The following SLC3A2 variants were observed in gnomAD, a reference collection of about 807,000 sequenced individuals.
SLC3A2 encodes the protein amino acid transporter heavy chain SLC3A2.
A neutral mutation model predicts 48.5 loss-of-function variants in SLC3A2; 32 were observed. The observed-to-expected ratio is 0.66, with a 90% confidence interval of 0.50 to 0.89. The LOEUF (loss-of-function observed/expected upper bound fraction) is 0.89. Among genes scored for constraint, SLC3A2 ranks in the 40% least tolerant of loss-of-function variants. The pLI is 0.00. For missense variants in SLC3A2, 587 were observed against 680.7 expected (o/e 0.86, Z 1.53); for synonymous variants, 277 against 288.8 (o/e 0.96, Z 0.41).
At chr11:62,884,577 T>C (rs1002578741) in intron 4 of SLC3A2, 52 bp downstream of exon 4, 2 of 1,613,518 alleles carry the variant, frequency 1.2e-6, no homozygotes, top group Non-Finnish European at 1.7e-6. Flanking sequence ...ACAGAGGGAC[T>C]CAGCTAGAGC....
chr11:62,861,065 CTCTT>C (rs2134972275), intron 1 of SLC3A2, among the ~76,000 whole-genome samples: 1 of 152,168 alleles, frequency 6.6e-6, no homozygotes, highest in African/African-American at 2.4e-5. Context: ...AGTGTGATCT[CTCTT>C]TCTTTCCCCC....
chr11:62,872,109 G>A (rs950811589), intron 1 of SLC3A2, among the ~76,000 whole-genome samples: 2 of 152,080 alleles, frequency 1.3e-5, no homozygotes, highest in African/African-American at 2.4e-5. Flanking sequence ...TAGAGACGGG[G>A]TTTCACCATG....
At position 62,884,499 on chromosome 11, in the gene SLC3A2, C is replaced by T. The variant is rs761488933; in HGVS notation, c.733C>T (p.Gln245Ter). Residue 245 changes from glutamine (Q) to a stop codon, truncating the protein, a stop_gained, in exon 4 of 9, where the codon CAG (glutamine) becomes TAG (stop). Coordinates refer to ENST00000338663, the MANE Select transcript of SLC3A2 (RefSeq NM_001013251.3). LOFTEE classifies it high-confidence loss of function. Reference protein sequence around the residue: ...FWLQAGVDGFQVRDIENLKDA... With the variant: ...FWLQAGVDGF Reference sequence around the variant, plus strand: ...GCTGCAAGCTGGCGTGGATGGGTTCCAGGTTCGGGACATAGAGAATCTGAA... The same window carrying T: ...GCTGCAAGCTGGCGTGGATGGGTTCTAGGTTCGGGACATAGAGAATCTGAA... The T allele has an allele frequency of 1.9e-6, 3 of 1,614,194 alleles. No individual in the cohort carries two copies. Among genetic ancestry groups the T allele is most frequent in the Admixed American group, 1.7e-5 (1 of 60,014 alleles).
intron 8 of SLC3A2, 42 bp from the exon 9 acceptor site, chr11:62,888,289 G>A (rs759152257): frequency 1.2e-6 from 2 of 1,609,426 alleles, no homozygotes; most frequent in African/African-American, 1.3e-5. Flanking sequence ...TGTACCCAGG[G>A]GAGCCCCTCA....
At chr11:62,862,008 A>T (rs2134973805) in intron 1 of SLC3A2, among the ~76,000 whole-genome samples, 2 of 150,498 alleles carry the variant, frequency 1.3e-5, no homozygotes, top group Middle Eastern at 3.5e-3. Context: ...GCCCAAATTG[A>T]TCAATACAGC....
upstream of SLC3A2, among the ~76,000 whole-genome samples, chr11:62,878,437 C>A (rs2135002235): frequency 6.6e-6 from 1 of 151,910 alleles, no homozygotes; most frequent in Admixed American, 6.6e-5. Flanking sequence ...TCTCATGGGA[C>A]TCCAGGGGCA....
chr11:62,866,692 G>T (rs1029803920), intron 1 of SLC3A2, among the ~76,000 whole-genome samples: 6 of 152,136 alleles, frequency 3.9e-5, no homozygotes, highest in South Asian at 2.1e-4. Flanking sequence ...ACCGCATCTG[G>T]CCCTGCTTTT....
chr11:62,864,286 A>G (rs1229497768), intron 1 of SLC3A2, among the ~76,000 whole-genome samples: 2 of 150,678 alleles, frequency 1.3e-5, no homozygotes, highest in Non-Finnish European at 3.0e-5. Context: ...TCCTAAGTAT[A>G]TCAATCCTGT....
intron 1 of SLC3A2, among the ~76,000 whole-genome samples, chr11:62,862,100 T>G (rs2085405508): frequency 6.6e-6 from 1 of 151,542 alleles, no homozygotes; most frequent in East Asian, 1.9e-4. Context: ...GCGGATTACC[T>G]GAGGTCAGGA....
At chr11:62,857,253 C>G (rs909614899) in intron 1 of SLC3A2, among the ~76,000 whole-genome samples, 1 of 152,216 alleles carries the variant, frequency 6.6e-6, no homozygotes, top group Admixed American at 6.5e-5. Context: ...TCCTGAGTAG[C>G]TGGGATTACA....
chr11:62,872,158 G>A (rs944285872), intron 1 of SLC3A2, among the ~76,000 whole-genome samples: 6 of 152,002 alleles, frequency 3.9e-5, no homozygotes, highest in Non-Finnish European at 7.4e-5. Context: ...CTTGTGATCC[G>A]TCTGCCTGGC....
Position 62,881,925 on chromosome 11 carries a change from C to T in SLC3A2, c.457C>T (p.Leu153=), listed in dbSNP as rs1291026390. Residue 153 remains leucine, a synonymous_variant, in exon 2 of 9, where the codon CTG becomes TTG. Coordinates refer to ENST00000338663, the MANE Select transcript of SLC3A2 (RefSeq NM_001013251.3). The surrounding 1 kb of genome is among the most constrained non-coding windows in gnomAD (Gnocchi z 4.0). ...GGGGCGTCTCGATTACCTGAGCTCTCTGAAGGTGAAGGGCCTTGTGCTGGG... is the reference window on the plus strand; with the variant it reads ...GGGGCGTCTCGATTACCTGAGCTCTTTGAAGGTGAAGGGCCTTGTGCTGGG... ...LKGRLDYLSS[L]KVKGLVLGPI... 6.2e-7 allele frequency: 1 copy of T among 1,614,156 alleles called. No homozygotes were observed. Among genetic ancestry groups the T allele is most frequent in the South Asian group, 1.1e-5 (1 of 91,082 alleles).
chr11:62,872,958 G>C (rs2085532503), intron 1 of SLC3A2, among the ~76,000 whole-genome samples: 1 of 152,118 alleles, frequency 6.6e-6, no homozygotes. Flanking sequence ...TTCTGTTACA[G>C]CATACCATAC....
At chr11:62,871,479 A>G (rs1025641590) in intron 1 of SLC3A2, 4 of 423,434 alleles carry the variant, frequency 9.4e-6, no homozygotes, top group Admixed American at 3.9e-5. Flanking sequence ...ATCTCAGGTT[A>G]TCCGCCCGTC....
Position 62,882,005 on chromosome 11 carries a change from C to T in SLC3A2, c.537C>T (p.Ile179=), listed in dbSNP as rs533509167. 2.6e-5 allele frequency: 42 copies of T among 1,614,168 alleles called. No homozygotes were observed. In the South Asian group the frequency reaches 3.8e-4, roughly 15 times the overall value. The change falls in exon 2 of 9, where the codon ATC becomes ATT. Residue 179 remains isoleucine, a synonymous_variant. Coordinates refer to ENST00000338663, the MANE Select transcript of SLC3A2 (RefSeq NM_001013251.3). ...DDVAQTDLLQ[I]DPNFGSKEDF... ...TCGCTCAGACTGACTTGCTGCAGAT[C>T]GACCCCAATTTTGGCTCCAAGGAAG... is the stretch of plus-strand genomic sequence containing the variant.
At chr11:62,864,701 C>T (rs529932672) in intron 1 of SLC3A2, among the ~76,000 whole-genome samples, 2 of 151,818 alleles carry the variant, frequency 1.3e-5, no homozygotes, top group South Asian at 2.1e-4. Flanking sequence ...CTCCTGACCT[C>T]GTGATCCGCC....
intron 1 of SLC3A2, among the ~76,000 whole-genome samples, chr11:62,856,849 G>A (rs186576017): frequency 1.3e-5 from 2 of 148,610 alleles, no homozygotes; most frequent in East Asian, 3.9e-4. Flanking sequence ...TTTTGAGACG[G>A]AGTTTCGCTC....
Position 62,885,575 on chromosome 11 carries a change from G to A in SLC3A2, c.1110G>A (p.Glu370=), listed in dbSNP as rs2085702520. ...CCCCTGTTTTCAGCTACGGGGATGA[G>A]ATTGGCCTGGATGCAGCTGCCCTTC... ...PGTPVFSYGD[E]IGLDAAALPG... is the part of the protein sequence containing the mutation. The change falls in exon 7 of 9, where the codon GAG becomes GAA. Residue 370 remains glutamate, a synonymous_variant. Coordinates refer to ENST00000338663, the MANE Select transcript of SLC3A2 (RefSeq NM_001013251.3). The A allele has an allele frequency of 6.2e-7, 1 of 1,614,188 alleles. No homozygotes were observed. The highest frequency in any genetic ancestry group is 8.5e-7 in the Non-Finnish European group (1 of 1,180,024).
chr11:62,883,062 G>A, intron 3 of SLC3A2, 63 bp downstream of exon 3: 1 of 1,500,856 alleles, frequency 6.7e-7, no homozygotes, highest in Non-Finnish European at 9.3e-7. Context: ...TCCTTTCACA[G>A]CAAGCCCTGT....
Sources: gnomAD v4.1 joint callset for allele counts (sites outside exome capture counted in the v4.1 genomes callset) on GRCh38, gnomAD v4.1.1 for gene constraint, Gnocchi (gnomAD v3.1) non-coding constraint, MANE v1.5 for transcripts, NCBI Gene and HGNC (gene_info 2026-07-23, HGNC 2026-07-21) for gene names.